The following ALCAM variants were observed in gnomAD, a reference collection of about 807,000 sequenced individuals.
ALCAM encodes the protein CD166 antigen.
In ALCAM, 30 loss-of-function variants were observed where a neutral mutation model predicts 70.9. The ratio of observed to expected loss-of-function variants is 0.42; its 90% CI spans 0.32 to 0.57. The LOEUF (loss-of-function observed/expected upper bound fraction) is 0.57. ALCAM is among the 20% of genes least tolerant of loss of function. The probability of loss-of-function intolerance (pLI) is 0.11; values close to 1 mark genes in which losing one functional copy is unlikely to be tolerated. For missense variants in ALCAM, 591 were observed against 695.1 expected, an observed-to-expected ratio of 0.85 and a Z score of 1.68; for synonymous variants, 249 against 242.5, an observed-to-expected ratio of 1.03 and a Z score of -0.25.
Position 105,547,175 on chromosome 3 carries a change from G to A in ALCAM, c.1131G>A (p.Pro377=), listed in dbSNP as rs1032263639. 13 of 1,601,100 alleles carry A rather than the reference G, an allele frequency of 8.1e-6. No homozygotes were observed. The highest frequency in any genetic ancestry group is 1.7e-4 in the Middle Eastern group (1 of 6,010). The part of the protein sequence containing the change: ...MKDNIRLRSS[P]SFSSLHYQDA... ...ATAACATCAGGCTTCGATCTAGCCC[G>A]TCATTTTCTAGTCTTCATTATCAGG... The change falls in exon 10 of 16, where the codon CCG becomes CCA. Residue 377 remains proline (P), a synonymous_variant. Transcript: ENST00000306107.
At chr3:105,491,375 T>C (rs1294631561) in intron 1 of ALCAM, among the ~76,000 whole-genome samples, 3 of 152,220 alleles carry the variant, frequency 2.0e-5, no homozygotes, top group African/African-American at 7.2e-5. Context: ...GCAATTAACA[T>C]TTGGCTCTTC....
chr3:105,367,895 C>T (rs1346933638), intron 1 of ALCAM, among the ~76,000 whole-genome samples: 4 of 152,032 alleles, frequency 2.6e-5, no homozygotes, highest in Non-Finnish European at 4.4e-5. Flanking sequence ...AAATAACTGC[C>T]GGCACTTTTT....
intron 14 of ALCAM, among the ~76,000 whole-genome samples, chr3:105,568,069 T>C (rs1382494150): frequency 6.9e-6 from 1 of 144,056 alleles, no homozygotes; most frequent in African/African-American, 2.7e-5. Flanking sequence ...TTTTATTTTT[T>C]TTTTTTTTTG....
At chr3:105,475,575 C>A (rs1436879612) in intron 1 of ALCAM, among the ~76,000 whole-genome samples, 1 of 152,012 alleles carries the variant, frequency 6.6e-6, no homozygotes, top group Non-Finnish European at 1.5e-5. Flanking sequence ...CAGAAGACTT[C>A]ATCACGAACA....
At chr3:105,462,251 A>T (rs1937613583) in intron 1 of ALCAM, among the ~76,000 whole-genome samples, 1 of 151,614 alleles carries the variant, frequency 6.6e-6, no homozygotes, top group Non-Finnish European at 1.5e-5. Flanking sequence ...AATCAATGTA[A>T]GTAATATTAT....
At chr3:105,433,911 C>T (rs1338974591) in intron 1 of ALCAM, among the ~76,000 whole-genome samples, 1 of 151,682 alleles carries the variant, frequency 6.6e-6, no homozygotes, top group African/African-American at 2.4e-5. Flanking sequence ...AACAGTCCTC[C>T]TGGGTCTGTT....
chr3:105,455,267 C>T (rs1241783698), intron 1 of ALCAM, among the ~76,000 whole-genome samples: 1 of 151,258 alleles, frequency 6.6e-6, no homozygotes, highest in Non-Finnish European at 1.5e-5. Flanking sequence ...CGGTGAAACC[C>T]CGTCTCTACT....
intron 1 of ALCAM, among the ~76,000 whole-genome samples, chr3:105,380,845 A>G (rs1166786690): frequency 6.6e-6 from 1 of 151,990 alleles, no homozygotes; most frequent in Non-Finnish European, 1.5e-5. Flanking sequence ...ATACTGGGAA[A>G]GGAGCTTTGT....
intron 1 of ALCAM, among the ~76,000 whole-genome samples, chr3:105,505,207 A>C (rs1237847818): frequency 6.6e-6 from 1 of 152,230 alleles, no homozygotes; most frequent in East Asian, 1.9e-4. Flanking sequence ...GAACTACCCG[A>C]GACTGAGTAA....
At chr3:105,563,663 A>ATTTTTTT (rs1940677356) in intron 14 of ALCAM, among the ~76,000 whole-genome samples, 11 of 72,530 alleles carry the variant, frequency 1.5e-4, no homozygotes, top group Non-Finnish European at 1.8e-4. Flanking sequence ...AATTCCAAGC[A>ATTTTTTT]TTTCTTTTTT....
chr3:105,543,994 C>T (rs942534468), intron 8 of ALCAM, among the ~76,000 whole-genome samples: 3 of 151,646 alleles, frequency 2.0e-5, no homozygotes, highest in Non-Finnish European at 3.0e-5. Context: ...TCACTACCCT[C>T]ATGGTGCTTT....
intron 6 of ALCAM, among the ~76,000 whole-genome samples, chr3:105,536,576 G>T (rs774428732): frequency 2.0e-4 from 30 of 152,124 alleles, no homozygotes; most frequent in Non-Finnish European, 3.8e-4. Flanking sequence ...GTTCTTGAAT[G>T]GATACGAAGA....
intron 3 of ALCAM, among the ~76,000 whole-genome samples, chr3:105,525,579 A>G (rs1939683173): frequency 6.6e-6 from 1 of 152,192 alleles, no homozygotes. Context: ...ATAGGGAAGA[A>G]GGAAACCCAG....
chr3:105,445,295 T>A (rs1472049209), intron 1 of ALCAM, among the ~76,000 whole-genome samples: 1 of 151,996 alleles, frequency 6.6e-6, no homozygotes, highest in East Asian at 1.9e-4. Flanking sequence ...ATCAATACAC[T>A]AAAACACTGA....
chr3:105,373,381 A>C (rs568894861), intron 1 of ALCAM, among the ~76,000 whole-genome samples: 3 of 152,306 alleles, frequency 2.0e-5, no homozygotes, highest in South Asian at 4.1e-4. Context: ...TAAGATATCA[A>C]CCAGCACTCC....
At position 105,552,190 on chromosome 3, in the gene ALCAM, C is replaced by T; in HGVS notation, c.1546+8C>T. On this transcript the variant is annotated splice_region_variant and intron_variant, in intron 13 of 15. Transcript: ENST00000306107. ...AGGCAGACGAGATAAGTGGTAGGTA[C>T]TATGCTGCCGACTCTTCTTCCTTGA... is the stretch of plus-strand genomic sequence containing the variant. 6.2e-7 allele frequency: 1 copy of T among 1,600,138 alleles called. No homozygotes were observed. Among genetic ancestry groups the T allele is most frequent in the Non-Finnish European group, 8.5e-7 (1 of 1,173,690 alleles).
chr3:105,368,223 AAGAGAGAGAGAGAGAGAGAGAGAGAG>A (rs5851454), intron 1 of ALCAM, among the ~76,000 whole-genome samples: 1 of 67,790 alleles, frequency 1.5e-5, no homozygotes, highest in African/African-American at 5.6e-5. Flanking sequence ...TGAGTCTTGG[AAGAGAGAGAGAGAGAGAGAGAGAGAG>A]AGAGAGAGAG....
intron 1 of ALCAM, 55 bp from the exon 2 acceptor site, chr3:105,520,012 A>C: frequency 2.5e-6 from 3 of 1,177,892 alleles, no homozygotes; most frequent in Non-Finnish European, 3.7e-6. Context: ...GAAAGCATTT[A>C]AAATTTTGTT....
intron 14 of ALCAM, among the ~76,000 whole-genome samples, chr3:105,555,688 G>T (rs2152632815): frequency 6.6e-6 from 1 of 151,992 alleles, no homozygotes; most frequent in East Asian, 1.9e-4. Flanking sequence ...ATACCTAGTG[G>T]CTATTTAGCC....
Sources: gnomAD v4.1 joint callset for allele counts (sites outside exome capture counted in the v4.1 genomes callset) on GRCh38, gnomAD v4.1.1 for gene constraint, MANE v1.5 for transcripts, NCBI Gene and HGNC (gene_info 2026-07-23, HGNC 2026-07-21) for gene names.